NHS: variants seen among roughly 807,000 people sequenced by gnomAD.
The protein encoded by NHS is NHS actin remodeling regulator.
In NHS, 5 loss-of-function variants were observed where a neutral mutation model predicts 72.5. That is an observed-to-expected ratio of 0.07 (90% CI 0.04 to 0.14). The LOEUF is 0.14. Among genes scored for constraint, NHS ranks in the 10% least tolerant of loss-of-function variants. The pLI is 1.00. For synonymous variants in NHS, 464 were observed against 547.7 expected (o/e 0.85, Z 2.13); for missense variants, 1,072 against 1,355.7 (o/e 0.79, Z 3.29).
chrX:17,663,253 C>A (rs965973296), intron 1 of NHS, among the ~76,000 whole-genome samples: 1 of 111,741 alleles, frequency 8.9e-6, no homozygotes, highest in Non-Finnish European at 1.9e-5. Flanking sequence ...ATGTAATTTA[C>A]ATACAGTTGA....
chrX:17,383,973 C>A (rs2064392982), intron 1 of NHS, among the ~76,000 whole-genome samples: 1 of 112,077 alleles, frequency 8.9e-6, no homozygotes, highest in Non-Finnish European at 1.9e-5. Context: ...GTTTATTGCC[C>A]TTTGGAATGC....
chrX:17,521,465 C>G (rs892564893), intron 1 of NHS, among the ~76,000 whole-genome samples: 1 of 108,987 alleles, frequency 9.2e-6, no homozygotes, highest in African/African-American at 3.4e-5. Flanking sequence ...TGGGCTCAAG[C>G]GATCCTCCTA....
chrX:17,541,865 T>A (rs1374027950), intron 1 of NHS, among the ~76,000 whole-genome samples: 8 of 105,883 alleles, frequency 7.6e-5, no homozygotes, highest in African/African-American at 2.8e-4. Flanking sequence ...TACCTCAAAT[T>A]GAGACAACTT....
At chrX:17,393,385 C>T (rs1330192562) in intron 1 of NHS, among the ~76,000 whole-genome samples, 1 of 111,993 alleles carries the variant, frequency 8.9e-6, no homozygotes, top group Non-Finnish European at 1.9e-5. Context: ...AGCGAAAACC[C>T]GATCTACTTA....
At chrX:17,642,698 C>T (rs1374996874) in intron 1 of NHS, among the ~76,000 whole-genome samples, 3 of 111,863 alleles carry the variant, frequency 2.7e-5, no homozygotes, top group Admixed American at 9.5e-5. Flanking sequence ...GGTGGATATT[C>T]GAGTGAAGAT....
chrX:17,523,574 TG>T (rs1174051397), intron 1 of NHS, among the ~76,000 whole-genome samples: 2 of 111,725 alleles, frequency 1.8e-5, no homozygotes, highest in Admixed American at 1.9e-4. Context: ...GAGCCAGTAG[TG>T]GGGGCAGTCT....
At position 17,726,989 on chromosome X, in the gene NHS, A is replaced by G. The variant is rs1346653021; in HGVS notation, c.2883A>G (p.Arg961=). The G allele has an allele frequency of 8.3e-7, 1 of 1,211,519 alleles. No individual in the cohort carries two copies. The highest frequency in any genetic ancestry group is 1.7e-5 in the African/African-American group (1 of 57,689). ...LNDLKTNDPY[R]SLSNSSTATG... is the part of the protein sequence containing the mutation. The stretch of plus-strand genomic sequence containing the variant: ...ACTTGAAAACAAATGATCCTTATAG[A>G]TCTCTATCTAATTCAAGCACCGCTA... The change falls in exon 7 of 9, where the codon AGA becomes AGG. Residue 961 remains arginine, a synonymous_variant. Coordinates refer to ENST00000676302, the MANE Select transcript of NHS (RefSeq NM_001291867.2).
chrX:17,510,069 A>G (rs2065079790), intron 1 of NHS, among the ~76,000 whole-genome samples: 1 of 112,646 alleles, frequency 8.9e-6, no homozygotes, highest in Non-Finnish European at 1.9e-5. Context: ...CCCAGGGTCT[A>G]CCTTGAAGTT....
chrX:17,568,319 C>T (rs776702693), intron 1 of NHS, among the ~76,000 whole-genome samples: 2 of 111,921 alleles, frequency 1.8e-5, no homozygotes, highest in East Asian at 5.6e-4. Context: ...GATGTTCATG[C>T]TAGCGCAATG....
chrX:17,409,662 C>T (rs1056404344), intron 1 of NHS, among the ~76,000 whole-genome samples: 13 of 111,652 alleles, frequency 1.2e-4, no homozygotes, highest in African/African-American at 3.3e-4. Flanking sequence ...CATTCTGACA[C>T]GTGTCACAAA....
At chrX:17,404,178 T>C (rs1394357385) in intron 1 of NHS, among the ~76,000 whole-genome samples, 1 of 111,742 alleles carries the variant, frequency 8.9e-6, no homozygotes. Context: ...GCCTCTTGCT[T>C]TGTGTCGTAA....
intron 1 of NHS, among the ~76,000 whole-genome samples, chrX:17,624,846 G>C (rs2065790109): frequency 8.9e-6 from 1 of 112,311 alleles, no homozygotes; most frequent in Non-Finnish European, 1.9e-5. Flanking sequence ...GGTGAGCCAA[G>C]GCATGATGGG....
rs779747464 is a variant in NHS, at chrX:17,397,634, C to CT, written c.565+21312_565+21313insT. On this transcript the variant is annotated intron_variant, in intron 1 of 8. Coordinates refer to ENST00000676302, the MANE Select transcript of NHS (RefSeq NM_001291867.2). ...GCGTTGCTAAAAATGTAATTTGGAG[C>CT]CCTGGCCTTCTGCTCATGGAGAAGG... 4.5e-5 allele frequency among the ~76,000 whole-genome samples: 5 copies of CT among 112,095 alleles called. No individual in the cohort carries two copies. The South Asian group carries it at 1.9e-3, about 42-fold the overall frequency.
intron 1 of NHS, among the ~76,000 whole-genome samples, chrX:17,580,799 A>ACTT (rs1233322525): frequency 4.5e-5 from 5 of 112,351 alleles, no homozygotes; most frequent in Non-Finnish European, 9.4e-5. Flanking sequence ...GCTCACATTG[A>ACTT]CTTCTTTACT....
intron 1 of NHS, among the ~76,000 whole-genome samples, chrX:17,547,523 A>G (rs1446331144): frequency 8.9e-6 from 1 of 112,410 alleles, no homozygotes; most frequent in Non-Finnish European, 1.9e-5. Context: ...GGCTGTCATT[A>G]TGGTGACCCA....
At chrX:17,707,643 CTTA>C (rs1328105498) in intron 3 of NHS, among the ~76,000 whole-genome samples, 2 of 111,412 alleles carry the variant, frequency 1.8e-5, no homozygotes, top group Non-Finnish European at 3.8e-5. Context: ...AAAAACGGGT[CTTA>C]TGAGAAAGCA....
At chrX:17,722,670 T>G (rs2066413207) in intron 5 of NHS, among the ~76,000 whole-genome samples, 1 of 111,291 alleles carries the variant, frequency 9.0e-6, no homozygotes, top group Non-Finnish European at 1.9e-5. Flanking sequence ...CTATTCAACT[T>G]GTAAGATAAA....
At chrX:17,516,863 C>T (rs1026988862) in intron 1 of NHS, among the ~76,000 whole-genome samples, 45 of 112,283 alleles carry the variant, frequency 4.0e-4, no homozygotes, top group African/African-American at 1.2e-3. Context: ...AAGCTTGTTG[C>T]ATGGCTAGCC....
At position 17,539,897 on chromosome X, in the gene NHS, C is replaced by T. The variant is rs967687587; in HGVS notation, c.566-147845C>T. 2.7e-5 allele frequency among the ~76,000 whole-genome samples: 3 copies of T among 112,160 alleles called. No homozygotes were observed. The Admixed American group carries it at 2.8e-4, about 11-fold the overall frequency. Reference sequence around the variant, plus strand: ...TTCTGTTTGCTCTTGTCACCTGCCTCAGCAAACCCTGAAGCCACATGTGGA... The same window carrying T: ...TTCTGTTTGCTCTTGTCACCTGCCTTAGCAAACCCTGAAGCCACATGTGGA... On this transcript the variant is annotated intron_variant, in intron 1 of 8. Transcript: ENST00000676302.
Sources: allele counts gnomAD v4.1 joint callset (sites outside exome capture counted in the v4.1 genomes callset), GRCh38; gene constraint gnomAD v4.1.1; transcripts MANE v1.5; gene names NCBI Gene and HGNC (gene_info 2026-07-23, HGNC 2026-07-21).